The following BLTP1 variants were observed in gnomAD, a reference collection of about 807,000 sequenced individuals.
BLTP1 encodes the protein fragile site-associated protein.
the BLTP1 span, chr4:122,204,575 T>C: frequency 2.0e-6 from 2 of 984,954 alleles, no homozygotes; most frequent in Non-Finnish European, 2.4e-6. Context: ...TCTGTAATAT[T>C]ATGTTGGCAA....
the BLTP1 span, chr4:122,337,134 A>G: frequency 4.3e-6 from 4 of 926,516 alleles, no homozygotes; most frequent in Non-Finnish European, 6.7e-6. Context: ...AGGTTCATGA[A>G]CCTTTAGTAT....
the BLTP1 span, chr4:122,355,794 A>G: frequency 6.3e-7 from 1 of 1,591,124 alleles, no homozygotes; most frequent in South Asian, 1.1e-5. Flanking sequence ...TTATGCATGT[A>G]GAGCTAAATC....
chr4:122,347,854 G>A, the BLTP1 span: 1 of 1,000,428 alleles, frequency 1.0e-6, no homozygotes. Context: ...TCAGATTTCA[G>A]CCCTAACTAT....
the BLTP1 span, chr4:122,300,820 C>A: frequency 1.6e-6 from 1 of 615,712 alleles, no homozygotes; most frequent in Non-Finnish European, 2.0e-6. Flanking sequence ...GAAAGATAGG[C>A]AGGCAGAATG....
the BLTP1 span, chr4:122,343,918 A>AT: frequency 1.1e-6 from 1 of 900,102 alleles, no homozygotes; most frequent in Non-Finnish European, 1.3e-6. Flanking sequence ...ATCACTGTCC[A>AT]TTTATACAAC....
the BLTP1 span, among the ~76,000 whole-genome samples, chr4:122,216,008 A>G: frequency 6.6e-6 from 1 of 151,814 alleles, no homozygotes; most frequent in Non-Finnish European, 1.5e-5. Flanking sequence ...TGTGAATGCC[A>G]TTATTTCATT....
At chr4:122,202,016 A>G in the BLTP1 span, 1 of 336,036 alleles carries the variant, frequency 3.0e-6, no homozygotes, top group Non-Finnish European at 4.2e-6. Flanking sequence ...TGTTTGTGAA[A>G]TAGGGATAAC....
At chr4:122,330,317 C>G in the BLTP1 span, among the ~76,000 whole-genome samples, 1 of 151,898 alleles carries the variant, frequency 6.6e-6, no homozygotes, top group South Asian at 2.1e-4. Flanking sequence ...TTTTCCCTAG[C>G]AGCTGCTCTG....
At chr4:122,186,025 G>A in the BLTP1 span, 1 of 1,518,674 alleles carries the variant, frequency 6.6e-7, no homozygotes, top group Non-Finnish European at 8.8e-7. Flanking sequence ...TTTTGTAATT[G>A]GTGTCTTTAG....
At chr4:122,358,889 T>C in the BLTP1 span, among the ~76,000 whole-genome samples, 7 of 152,126 alleles carry the variant, frequency 4.6e-5, no homozygotes, top group Non-Finnish European at 1.0e-4. Context: ...GATTACACTT[T>C]ATATATAATT....
the BLTP1 span, chr4:122,187,119 G>A: frequency 1.0e-6 from 1 of 984,176 alleles, no homozygotes; most frequent in Non-Finnish European, 1.2e-6. Context: ...TAACATAATG[G>A]GCAAAATGGT....
chr4:122,180,772 C>T, the BLTP1 span, among the ~76,000 whole-genome samples: 1 of 152,306 alleles, frequency 6.6e-6, no homozygotes, highest in East Asian at 1.9e-4. Context: ...CATTACAATT[C>T]TGAGAATCAA....
the BLTP1 span, chr4:122,196,624 C>T: frequency 1.9e-6 from 3 of 1,595,702 alleles, no homozygotes; most frequent in African/African-American, 4.0e-5. Flanking sequence ...CTTTCTACCT[C>T]CTTAATGTAG....
At chr4:122,276,331 TATG>T in the BLTP1 span, 1 of 536,386 alleles carries the variant, frequency 1.9e-6, no homozygotes, top group East Asian at 1.1e-4. Context: ...TAATTTTTGA[TATG>T]ATAATGGAAG....
the BLTP1 span, among the ~76,000 whole-genome samples, chr4:122,351,929 A>G: frequency 4.7e-4 from 71 of 152,204 alleles, no homozygotes; most frequent in Non-Finnish European, 1.3e-4. Flanking sequence ...AAGGAACATT[A>G]TTGGAATAAA....
chr4:122,199,201 A>T, the BLTP1 span: 1 of 472,332 alleles, frequency 2.1e-6, no homozygotes, highest in Non-Finnish European at 2.8e-6. Context: ...ATCACCTATT[A>T]AGTTAGCAAG....
chr4:122,349,284 G>A, the BLTP1 span: 1 of 1,613,134 alleles, frequency 6.2e-7, no homozygotes, highest in Non-Finnish European at 8.5e-7. This position sits in a 1 kb window ranked among gnomAD's most constrained non-coding sequence, Gnocchi z 4.5. Context: ...TAGTTGGAGG[G>A]ACCATAGATG....
chr4:122,247,078 A>G, the BLTP1 span: 1 of 1,462,818 alleles, frequency 6.8e-7, no homozygotes, highest in Non-Finnish European at 9.2e-7. Context: ...TTTTTTTTAA[A>G]GGAAACCTTT....
At chr4:122,310,994 A>G in the BLTP1 span, 1 of 594,236 alleles carries the variant, frequency 1.7e-6, no homozygotes, top group Non-Finnish European at 2.1e-6. Flanking sequence ...AAAAATCACT[A>G]AAACATATCT....
Sources: gnomAD v4.1 joint callset for allele counts (sites outside exome capture counted in the v4.1 genomes callset) on GRCh38, gnomAD v4.1.1 for gene constraint, Gnocchi (gnomAD v3.1) non-coding constraint, MANE v1.5 for transcripts, NCBI Gene and HGNC (gene_info 2026-07-23, HGNC 2026-07-21) for gene names.